Variants in PCDH15 observed in about 807,000 individuals in gnomAD.
The protein encoded by PCDH15 is protocadherin-15.
In PCDH15, 129 loss-of-function variants were observed where a neutral mutation model predicts 178.5. That is an observed-to-expected ratio of 0.72 (90% CI 0.63 to 0.84). The LOEUF is 0.84. Ranked by LOEUF, PCDH15 falls within the 40% of genes least tolerant of loss-of-function variation. The pLI, the probability that PCDH15 is intolerant of heterozygous loss-of-function variation, is 0.00. For synonymous variants in PCDH15, 800 were observed against 732.0 expected, an observed-to-expected ratio of 1.09 and a Z score of -1.50; for missense variants, 2,230 against 2,099.9, an observed-to-expected ratio of 1.06 and a Z score of -1.21.
intron 2 of PCDH15, among the ~76,000 whole-genome samples, chr10:55,534,597 G>T (rs976196216): frequency 1.6e-4 from 24 of 151,996 alleles, no homozygotes; most frequent in African/African-American, 5.8e-4. Flanking sequence ...GCAGAGAAAA[G>T]GAAACATTTA....
intron 8 of PCDH15, among the ~76,000 whole-genome samples, chr10:54,267,198 T>C (rs1272747361): frequency 1.4e-5 from 1 of 70,532 alleles, no homozygotes; most frequent in Admixed American, 1.4e-4. Context: ...TCTCAACAGA[T>C]ACGTTAAAGT....
chr10:55,527,204 T>C (rs1278171176), intron 2 of PCDH15, among the ~76,000 whole-genome samples: 1 of 152,054 alleles, frequency 6.6e-6, no homozygotes, highest in African/African-American at 2.4e-5. Context: ...CATAACAAAG[T>C]ACAACAGATT....
chr10:54,020,521 G>A (rs537316357), intron 19 of PCDH15, 105 bp from the exon 20 acceptor site: 95 of 1,127,134 alleles, frequency 8.4e-5, no homozygotes, highest in Admixed American at 5.4e-4. Context: ...TCAATTTAAC[G>A]AGGACAAAAA....
intron 17 of PCDH15, among the ~76,000 whole-genome samples, chr10:54,071,921 C>T (rs1214042134): frequency 2.6e-5 from 4 of 151,828 alleles, no homozygotes; most frequent in African/African-American, 4.8e-5. Context: ...ATGTGTCTAA[C>T]GTGTTTACTA....
chr10:54,753,496 A>AAAAC (rs1418658770), intron 1 of PCDH15, among the ~76,000 whole-genome samples: 2 of 151,682 alleles, frequency 1.3e-5, no homozygotes, highest in Non-Finnish European at 1.5e-5. Flanking sequence ...GCATGAATTA[A>AAAAC]AAACAAACAA....
chr10:54,869,030 C>T (rs1953988739), intron 3 of PCDH15: 1 of 151,958 alleles, frequency 6.6e-6, no homozygotes, highest in Non-Finnish European at 1.5e-5. Flanking sequence ...GAAATGAAAG[C>T]CCACTCACCA....
chr10:55,079,551 T>C (rs1194454041), intron 2 of PCDH15, among the ~76,000 whole-genome samples: 1 of 152,110 alleles, frequency 6.6e-6, no homozygotes, highest in Non-Finnish European at 1.5e-5. Flanking sequence ...CACCATTAGG[T>C]GGTCCAGGCA....
At chr10:55,477,333 G>A (rs987392817) in intron 2 of PCDH15, among the ~76,000 whole-genome samples, 3 of 151,900 alleles carry the variant, frequency 2.0e-5, no homozygotes, top group African/African-American at 7.2e-5. Context: ...TTGAGCAACT[G>A]TGGTTAAATA....
chr10:55,036,310 G>T (rs746115048), intron 2 of PCDH15, among the ~76,000 whole-genome samples: 8 of 152,030 alleles, frequency 5.3e-5, no homozygotes, highest in African/African-American at 9.7e-5. Flanking sequence ...TGTAGTGTTC[G>T]GTTATAGCAG....
intron 2 of PCDH15, among the ~76,000 whole-genome samples, chr10:54,549,680 T>C (rs2086316592): frequency 6.6e-6 from 1 of 151,744 alleles, no homozygotes. Flanking sequence ...TTTATATATG[T>C]CCACTGGAAA....
At chr10:54,071,393 G>T (rs555021028) in intron 17 of PCDH15, among the ~76,000 whole-genome samples, 1 of 152,060 alleles carries the variant, frequency 6.6e-6, no homozygotes, top group Admixed American at 6.6e-5. Context: ...GTAATACTAC[G>T]AATTTAATAA....
chr10:54,818,729 C>T (rs925210046), intron 3 of PCDH15, among the ~76,000 whole-genome samples: 1 of 151,916 alleles, frequency 6.6e-6, no homozygotes, highest in Non-Finnish European at 1.5e-5. Flanking sequence ...TTTGTTCCAT[C>T]TACTATCTGA....
chr10:54,604,831 G>A (rs1382906280), intron 2 of PCDH15, among the ~76,000 whole-genome samples: 1 of 150,892 alleles, frequency 6.6e-6, no homozygotes, highest in East Asian at 1.9e-4. Flanking sequence ...GTCTTATTTT[G>A]TGTTTCTTTT....
intron 1 of PCDH15, among the ~76,000 whole-genome samples, chr10:55,187,169 A>T (rs961281752): frequency 1.3e-5 from 2 of 151,902 alleles, no homozygotes; most frequent in Non-Finnish European, 2.9e-5. Context: ...AGAGGAGATA[A>T]GTTCATACTC....
intron 8 of PCDH15, among the ~76,000 whole-genome samples, chr10:54,246,280 T>C (rs1308170010): frequency 6.6e-6 from 1 of 151,956 alleles, no homozygotes; most frequent in Non-Finnish European, 1.5e-5. Flanking sequence ...AAATAGAATA[T>C]TGTCAGTATC....
chr10:54,077,271 A>G (rs191080861), intron 17 of PCDH15, among the ~76,000 whole-genome samples: 80 of 152,338 alleles, frequency 5.3e-4, no homozygotes, highest in African/African-American at 1.8e-3. Flanking sequence ...AGAAATGCTA[A>G]GTGTCCTGTC....
In PCDH15 at chr10:54,117,089, C is replaced by G. The variant is rs76036710; in HGVS notation, c.1917+15786G>C. On this transcript the variant is annotated intron_variant, in intron 15 of 37. Transcript: ENST00000644397. ...ATTGCCTGTGACTGCTGGGCTTGTT[C>G]CACCTATGCAGCCTGACAAGCTGTG... is the stretch of plus-strand genomic sequence containing the variant. 1.6e-3 allele frequency among the ~76,000 whole-genome samples: 251 copies of G among 152,202 alleles called. 5 individuals are homozygous for G. The East Asian group carries it at 0.039, about 24-fold the overall frequency.
At chr10:54,889,239 C>A (rs960966750) in intron 3 of PCDH15, among the ~76,000 whole-genome samples, 2 of 151,696 alleles carry the variant, frequency 1.3e-5, no homozygotes, top group African/African-American at 4.8e-5. Context: ...TTCTCTTAAT[C>A]ATGTATAACT....
chr10:55,261,428 G>A (rs1842142524), intron 1 of PCDH15, among the ~76,000 whole-genome samples: 4 of 152,054 alleles, frequency 2.6e-5, no homozygotes, highest in Admixed American at 6.6e-5. Context: ...ATGTTAAAAG[G>A]GTAATCTGTC....
Sources: allele counts gnomAD v4.1 joint callset (sites outside exome capture counted in the v4.1 genomes callset), GRCh38; gene constraint gnomAD v4.1.1; transcripts MANE v1.5; gene names NCBI Gene and HGNC (gene_info 2026-07-23, HGNC 2026-07-21).